Variants in NPSR1 observed in about 807,000 individuals in gnomAD.
NPSR1 encodes the protein neuropeptide S receptor 1.
NPSR1 carries 48 observed loss-of-function variants against 46.9 expected under a neutral mutation model. The observed-to-expected ratio is 1.02, with a 90% CI of 0.81 to 1.30. The LOEUF (loss-of-function observed/expected upper bound fraction) is 1.30, where lower values mean the gene tolerates loss of function less well. NPSR1 is among the 50% of genes most tolerant of loss of function. The probability of loss-of-function intolerance (pLI) is 0.00; values close to 1 mark genes in which losing one functional copy is unlikely to be tolerated. For synonymous variants in NPSR1, 176 were observed against 168.1 expected (o/e 1.05, Z -0.36); for missense variants, 450 against 449.5 (o/e 1.00, Z -0.01).
intron 3 of NPSR1, among the ~76,000 whole-genome samples, chr7:34,784,327 A>T (rs1036502269): frequency 1.3e-5 from 2 of 152,108 alleles, no homozygotes; most frequent in African/African-American, 4.8e-5. Context: ...GGTTTGTCAT[A>T]GATAGCTCTT....
rs1327342373 is a variant in NPSR1, at chr7:34,827,556, A to G, written c.634A>G (p.Thr212Ala). The change falls in exon 5 of 9, where the codon ACC becomes GCC. Residue 212 changes from threonine to alanine, a missense_variant. Transcript: ENST00000360581. ...CGACTCCTACTGGACCCCATACATG[A>G]CCATCGTGGCCTTCCTGGTGTACTT... ...PDDSYWTPYMTIVAFLVYFIP... is the reference protein window; with the variant it reads ...PDDSYWTPYMAIVAFLVYFIP... The G allele has an allele frequency of 6.7e-7, 1 of 1,490,418 alleles. No homozygotes were observed. The highest frequency in any genetic ancestry group is 1.1e-5 in the South Asian group (1 of 89,628). 92.3% of individuals were successfully genotyped at this position (1,490,418 alleles called of 1,614,324 possible). A position where few individuals can be genotyped will look rare whatever the true frequency, so the allele number is the denominator to read the frequency against.
At chr7:34,754,559 A>G (rs1001793311) in intron 2 of NPSR1, among the ~76,000 whole-genome samples, 1 of 151,940 alleles carries the variant, frequency 6.6e-6, no homozygotes, top group African/African-American at 2.4e-5. Context: ...CCCCCCACCA[A>G]GAGTAAGCCC....
At chr7:34,779,900 T>C (rs537576804) in intron 3 of NPSR1, 1 of 159,670 alleles carries the variant, frequency 6.3e-6, no homozygotes. Flanking sequence ...TAAAGGCTTA[T>C]CAAAAGGTTC....
At chr7:34,864,925 T>C (rs1195740510) in intron 8 of NPSR1, among the ~76,000 whole-genome samples, 1 of 151,892 alleles carries the variant, frequency 6.6e-6, no homozygotes, top group East Asian at 1.9e-4. Flanking sequence ...TATATCTTTC[T>C]CAGCCTCCCT....
intron 3 of NPSR1, among the ~76,000 whole-genome samples, chr7:34,791,008 GTTATA>G (rs1288000490): frequency 2.9e-5 from 3 of 102,208 alleles, no homozygotes; most frequent in Non-Finnish European, 5.5e-5. Context: ...TATGTTATAT[GTTATA>G]TTATATATGT....
At chr7:34,731,473 T>C (rs1421108006) in intron 2 of NPSR1, among the ~76,000 whole-genome samples, 1 of 151,698 alleles carries the variant, frequency 6.6e-6, no homozygotes, top group Non-Finnish European at 1.5e-5. Context: ...TAAAATGGTA[T>C]CAATGAAATA....
At chr7:34,801,757 T>G (rs1178027512) in intron 3 of NPSR1, among the ~76,000 whole-genome samples, 1 of 148,406 alleles carries the variant, frequency 6.7e-6, no homozygotes, top group Non-Finnish European at 1.5e-5. Flanking sequence ...AGTATTCAAT[T>G]AGGAAAAGAG....
At position 34,756,405 on chromosome 7, in the gene NPSR1, C is replaced by T. The variant is rs1250359877; in HGVS notation, c.281-22057C>T. 7.9e-5 allele frequency among the ~76,000 whole-genome samples: 12 copies of T among 152,232 alleles called. No homozygotes were observed. In the East Asian group the frequency reaches 1.5e-3, roughly 20 times the overall value. ...AATGTCACAACCGATCTGGATCCACCGGCACTTGAGAATAATGGAAAGAGC... is the reference window on the plus strand; with the variant it reads ...AATGTCACAACCGATCTGGATCCACTGGCACTTGAGAATAATGGAAAGAGC... On this transcript the variant is annotated intron_variant, in intron 2 of 8. Transcript: ENST00000360581.
intron 3 of NPSR1, among the ~76,000 whole-genome samples, chr7:34,781,318 C>T (rs1259451433): frequency 3.9e-5 from 6 of 152,048 alleles, no homozygotes. Context: ...GATATTCATC[C>T]CTCCAAAGCA....
chr7:34,698,369 G>A (rs1258499147), intron 2 of NPSR1, among the ~76,000 whole-genome samples: 2 of 152,094 alleles, frequency 1.3e-5, no homozygotes, highest in African/African-American at 4.8e-5. Context: ...ATCCAGGGCA[G>A]GGGTTGCAAT....
At chr7:34,876,635 G>C (rs1252506430) in intron 8 of NPSR1, among the ~76,000 whole-genome samples, 1 of 152,148 alleles carries the variant, frequency 6.6e-6, no homozygotes, top group Non-Finnish European at 1.5e-5. Flanking sequence ...CCTAATATTT[G>C]TATTTAAGTG....
intron 3 of NPSR1, among the ~76,000 whole-genome samples, chr7:34,790,889 CAT>C (rs369071413): frequency 2.5e-4 from 23 of 93,632 alleles, no homozygotes; most frequent in South Asian, 6.7e-4. Flanking sequence ...TATTATATAT[CAT>C]ATATGTTATA....
intron 4 of NPSR1, among the ~76,000 whole-genome samples, chr7:34,817,739 C>A (rs1789315299): frequency 6.6e-6 from 1 of 151,906 alleles, no homozygotes; most frequent in African/African-American, 2.4e-5. Context: ...TCGGCTTCAT[C>A]CCCGGGATGG....
chr7:34,780,469 ATTCTCTC>A (rs1787181645), intron 3 of NPSR1, among the ~76,000 whole-genome samples: 1 of 152,198 alleles, frequency 6.6e-6, no homozygotes, highest in Non-Finnish European at 1.5e-5. Flanking sequence ...AATTCTGATA[ATTCTCTC>A]TTCTATAAAG....
intron 2 of NPSR1, among the ~76,000 whole-genome samples, chr7:34,699,732 T>A (rs1793724657): frequency 6.6e-6 from 1 of 152,274 alleles, no homozygotes; most frequent in South Asian, 2.1e-4. Context: ...TTGTTAACCT[T>A]AATTATTTCC....
chr7:34,814,388 GC>G (rs1246025877), intron 4 of NPSR1, among the ~76,000 whole-genome samples: 2 of 152,234 alleles, frequency 1.3e-5, no homozygotes, highest in Non-Finnish European at 2.9e-5. Context: ...AAGTGGCCCG[GC>G]AGCTCAAACT....
rs551459217 is a variant in NPSR1 at position 34,661,038 on chromosome 7, T to C, written c.147+2479T>C. 2.8e-4 allele frequency among the ~76,000 whole-genome samples: 42 copies of C among 152,362 alleles called. No individual in the cohort carries two copies. In the South Asian group the frequency reaches 7.7e-3, roughly 28 times the overall value. ...TTGTTTCATATTTTCTCCCAGGACCTACCACTATGTTAGTCATACTCAATA... is the reference window on the plus strand; with the variant it reads ...TTGTTTCATATTTTCTCCCAGGACCCACCACTATGTTAGTCATACTCAATA... On this transcript the variant is annotated intron_variant, in intron 1 of 8. Coordinates refer to ENST00000360581, the MANE Select transcript of NPSR1 (RefSeq NM_207172.2).
intron 2 of NPSR1, among the ~76,000 whole-genome samples, chr7:34,772,441 C>A (rs926970758): frequency 3.3e-5 from 5 of 152,172 alleles, no homozygotes; most frequent in African/African-American, 1.2e-4. Context: ...CTGCCCAGTT[C>A]TCTGTCTGAC....
At chr7:34,799,469 A>T (rs62462931) in intron 3 of NPSR1, among the ~76,000 whole-genome samples, 41,951 of 151,322 alleles carry the variant, frequency 0.28, 5,900 homozygotes, top group African/African-American at 0.33. Context: ...CAAACTAAGC[A>T]TCATAAGTGA....
Sources: gnomAD v4.1 joint callset for allele counts (sites outside exome capture counted in the v4.1 genomes callset) on GRCh38, gnomAD v4.1.1 for gene constraint, MANE v1.5 for transcripts, NCBI Gene and HGNC (gene_info 2026-07-23, HGNC 2026-07-21) for gene names.